Variants in KCNQ5 observed in about 807,000 individuals in gnomAD.
KCNQ5 encodes the protein potassium voltage-gated channel subfamily KQT member 5.
A neutral mutation model predicts 98.2 loss-of-function variants in KCNQ5; 30 were observed. The observed-to-expected ratio is 0.31, with a 90% CI of 0.23 to 0.41. The LOEUF (loss-of-function observed/expected upper bound fraction) is 0.41. KCNQ5 is among the 10% of genes least tolerant of loss of function. The pLI, the probability that KCNQ5 is intolerant of heterozygous loss-of-function variation, is 1.00. For missense variants in KCNQ5, 835 were observed against 1,182.5 expected (o/e 0.71, Z 4.31); for synonymous variants, 458 against 449.4 (o/e 1.02, Z -0.24).
intron 11 of KCNQ5, among the ~76,000 whole-genome samples, chr6:73,186,630 C>T (rs1370696318): frequency 6.6e-6 from 1 of 151,696 alleles, no homozygotes; most frequent in Non-Finnish European, 1.5e-5. Flanking sequence ...GGTACAGACG[C>T]AATAGATGTG....
chr6:73,147,025 T>A (rs1776952702), intron 10 of KCNQ5, among the ~76,000 whole-genome samples: 1 of 152,168 alleles, frequency 6.6e-6, no homozygotes, highest in South Asian at 2.1e-4. Context: ...CTTATGAAAA[T>A]TGAATTAATC....
intron 2 of KCNQ5, among the ~76,000 whole-genome samples, chr6:73,013,551 G>A (rs951991151): frequency 2.0e-5 from 3 of 152,050 alleles, no homozygotes; most frequent in African/African-American, 4.8e-5. Flanking sequence ...TCATTTATTA[G>A]GCTCATTGAT....
intron 1 of KCNQ5, among the ~76,000 whole-genome samples, chr6:72,889,165 G>A (rs935236491): frequency 9.2e-5 from 14 of 152,166 alleles, no homozygotes; most frequent in African/African-American, 3.4e-4. Flanking sequence ...CTTGAATGCA[G>A]TAAGGAAAAA....
chr6:72,983,632 C>T (rs1186153162), intron 1 of KCNQ5, among the ~76,000 whole-genome samples: 4 of 152,136 alleles, frequency 2.6e-5, no homozygotes, highest in South Asian at 2.1e-4. Context: ...TCCTTTAGCT[C>T]GGAGAATTTT....
intron 1 of KCNQ5, among the ~76,000 whole-genome samples, chr6:72,788,635 T>A (rs1035707399): frequency 1.3e-5 from 2 of 152,256 alleles, no homozygotes; most frequent in African/African-American, 4.8e-5. Context: ...AAATAGTTTA[T>A]AACAATTTTT....
chr6:72,671,350 G>A (rs1050117024), intron 1 of KCNQ5, among the ~76,000 whole-genome samples: 6 of 152,122 alleles, frequency 3.9e-5, no homozygotes, highest in East Asian at 1.9e-4. Flanking sequence ...TGTGGAAGGC[G>A]TAGATGTGTT....
At chr6:72,838,720 G>A (rs1776627699) in intron 1 of KCNQ5, among the ~76,000 whole-genome samples, 1 of 151,768 alleles carries the variant, frequency 6.6e-6, no homozygotes, top group South Asian at 2.1e-4. Context: ...GGAGGCCGAG[G>A]CGGGCGGATC....
At chr6:72,851,236 A>G (rs993798684) in intron 1 of KCNQ5, among the ~76,000 whole-genome samples, 7 of 152,184 alleles carry the variant, frequency 4.6e-5, no homozygotes, top group African/African-American at 7.2e-5. Context: ...TTATTTTGTA[A>G]GCTGCTGAAA....
intron 1 of KCNQ5, among the ~76,000 whole-genome samples, chr6:72,933,767 T>C (rs1344750370): frequency 3.3e-5 from 5 of 152,218 alleles, no homozygotes; most frequent in Non-Finnish European, 7.3e-5. Flanking sequence ...TGTCTCCTCC[T>C]AATAATAATA....
At chr6:73,046,530 A>G (rs183079837) in intron 3 of KCNQ5, among the ~76,000 whole-genome samples, 3 of 151,844 alleles carry the variant, frequency 2.0e-5, no homozygotes, top group Admixed American at 1.3e-4. Flanking sequence ...AGCACTTTAT[A>G]AATATGGTCT....
At chr6:72,683,795 A>G (rs560850497) in intron 1 of KCNQ5, among the ~76,000 whole-genome samples, 1 of 152,078 alleles carries the variant, frequency 6.6e-6, no homozygotes, top group Admixed American at 6.5e-5. Context: ...CTGCTTACCA[A>G]CTTACCAAGT....
At chr6:72,966,969 T>C (rs1767651191) in intron 1 of KCNQ5, among the ~76,000 whole-genome samples, 1 of 152,180 alleles carries the variant, frequency 6.6e-6, no homozygotes, top group African/African-American at 2.4e-5. Context: ...AAAATATATC[T>C]TACAGAAGTC....
intron 1 of KCNQ5, among the ~76,000 whole-genome samples, chr6:72,705,674 A>G (rs1769041228): frequency 6.6e-6 from 1 of 151,882 alleles, no homozygotes; most frequent in South Asian, 2.1e-4. Flanking sequence ...CTTCCCCTGT[A>G]GGATTTTGTG....
intron 1 of KCNQ5, among the ~76,000 whole-genome samples, chr6:72,858,009 T>TTTGGTGTAGA (rs1381452203): frequency 1.3e-5 from 2 of 152,064 alleles, no homozygotes; most frequent in African/African-American, 2.4e-5. Context: ...GTAAGAAAAA[T>TTTGGTGTAGA]ATATTTGAGT....
intron 1 of KCNQ5, among the ~76,000 whole-genome samples, chr6:72,864,555 A>G (rs944997800): frequency 7.2e-5 from 11 of 152,320 alleles, no homozygotes; most frequent in Middle Eastern, 3.4e-3. Flanking sequence ...TATTTTTATT[A>G]AATATTAAAA....
chr6:72,848,945 A>G (rs1777126893), intron 1 of KCNQ5, among the ~76,000 whole-genome samples: 1 of 152,170 alleles, frequency 6.6e-6, no homozygotes, highest in Admixed American at 6.6e-5. Flanking sequence ...CGCTTCCTTT[A>G]TAAATGACCC....
chr6:73,049,199 A>T (rs577910002), intron 3 of KCNQ5, among the ~76,000 whole-genome samples: 1 of 152,336 alleles, frequency 6.6e-6, no homozygotes, highest in South Asian at 2.1e-4. Context: ...AACTCAGTGC[A>T]TAGTTGATTG....
rs115513243 is a variant in KCNQ5, at chr6:73,151,685, A to G, written c.1468+18044A>G. ...CATTGTGACTTTTCTTTGAGAACAC[A>G]TTCTGGAAACCTCCATTCTCCTTTT... On this transcript the variant is annotated intron_variant, in intron 10 of 13. Transcript: ENST00000370398. Among the ~76,000 whole-genome samples, 861 of 152,286 alleles carry G rather than the reference A, an allele frequency of 5.7e-3. 9 individuals carry two copies. Among genetic ancestry groups the G allele is most frequent in the African/African-American group, 0.019 (787 of 41,548 alleles).
chr6:72,775,997 A>G (rs1440867622), intron 1 of KCNQ5, among the ~76,000 whole-genome samples: 2 of 152,208 alleles, frequency 1.3e-5, no homozygotes, highest in Non-Finnish European at 2.9e-5. Flanking sequence ...TAATGTATCA[A>G]TATTGGTTCA....
Sources: gnomAD v4.1 joint callset for allele counts (sites outside exome capture counted in the v4.1 genomes callset) on GRCh38, gnomAD v4.1.1 for gene constraint, MANE v1.5 for transcripts, NCBI Gene and HGNC (gene_info 2026-07-23, HGNC 2026-07-21) for gene names.